Variants in CUEDC1 observed in about 807,000 individuals in gnomAD.
The protein encoded by CUEDC1 is CUE domain containing 1.
A neutral mutation model predicts 43.7 loss-of-function variants in CUEDC1; 30 were observed. The ratio of observed to expected loss-of-function variants is 0.69; its 90% CI spans 0.51 to 0.93. The LOEUF (loss-of-function observed/expected upper bound fraction) is 0.93. CUEDC1 is among the 40% of genes least tolerant of loss of function. The pLI is 0.00. For missense variants in CUEDC1, 486 were observed against 549.0 expected (o/e 0.89, Z 1.15); for synonymous variants, 223 against 223.6 (o/e 1.00, Z 0.02).
chr17:57,928,546 CA>C lies in CUEDC1; in HGVS notation c.-316+26678del, dbSNP rs11411589. 3.5e-3 allele frequency among the ~76,000 whole-genome samples: 306 copies of C among 86,868 alleles called. No individual in the cohort carries two copies. The South Asian group carries it at 0.041, about 12-fold the overall frequency. The allele number at this position is 86,868 out of a possible 152,430, so 57.0% of individuals were successfully genotyped here. On this transcript the variant is annotated intron_variant, in intron 1 of 10. Transcript: ENST00000577830. ...TGGGCGACAGAGTGAGACTCTGTCT[CA>C]AAAAAAAAAAAAAAAAAGAACCTAG...
chr17:57,916,497 A>T (rs1175112741), intron 1 of CUEDC1, among the ~76,000 whole-genome samples: 1 of 152,248 alleles, frequency 6.6e-6, no homozygotes, highest in Non-Finnish European at 1.5e-5. Context: ...ACCTGTTTCC[A>T]TGGAGATGCG....
intron 1 of CUEDC1, among the ~76,000 whole-genome samples, chr17:57,920,849 C>G (rs2074691767): frequency 6.6e-6 from 1 of 152,050 alleles, no homozygotes. Context: ...GTTGGCCAGG[C>G]CAGTCTTGAA....
At chr17:57,893,346 G>GGTGTGTGTGT (rs1456034263) in intron 1 of CUEDC1, among the ~76,000 whole-genome samples, 13 of 89,894 alleles carry the variant, frequency 1.4e-4, no homozygotes, top group African/African-American at 3.9e-4. Flanking sequence ...AGGCTCTCAG[G>GGTGTGTGTGT]GTATGTGTGT....
intron 6 of CUEDC1, among the ~76,000 whole-genome samples, chr17:57,870,909 T>C (rs1215896547): frequency 2.0e-5 from 3 of 152,186 alleles, no homozygotes; most frequent in African/African-American, 7.2e-5. Flanking sequence ...TCTTGAACTC[T>C]TGGGCTGAAG....
intron 1 of CUEDC1, among the ~76,000 whole-genome samples, chr17:57,893,338 G>T (rs887879058): frequency 3.7e-5 from 4 of 107,420 alleles, no homozygotes; most frequent in African/African-American, 1.1e-4. Context: ...AGAGACAGAG[G>T]CTCTCAGGGT....
At chr17:57,929,362 CA>C (rs1374193840) in intron 1 of CUEDC1, among the ~76,000 whole-genome samples, 1 of 152,162 alleles carries the variant, frequency 6.6e-6, no homozygotes, top group Non-Finnish European at 1.5e-5. Context: ...TGCCAGGATT[CA>C]AACCTGGATC....
chr17:57,908,984 G>A (rs12709396), intron 1 of CUEDC1, among the ~76,000 whole-genome samples: 55,015 of 151,634 alleles, frequency 0.36, 10,434 homozygotes, highest in African/African-American at 0.43. Context: ...GTGACAGAAC[G>A]AGACTGTCTC....
At chr17:57,945,807 G>C (rs2074955337) in intron 1 of CUEDC1, among the ~76,000 whole-genome samples, 1 of 152,046 alleles carries the variant, frequency 6.6e-6, no homozygotes, top group African/African-American at 2.4e-5. Flanking sequence ...ATCAGTTGAG[G>C]TCAGGAGTTC....
chr17:57,951,610 C>A (rs1432212698), intron 1 of CUEDC1, among the ~76,000 whole-genome samples: 2 of 152,144 alleles, frequency 1.3e-5, no homozygotes, highest in Non-Finnish European at 2.9e-5. Context: ...AAGTACGCAC[C>A]ACCATGCCCG....
chr17:57,861,487 A>AG lies in CUEDC1; in HGVS notation c.*1801dup, dbSNP rs1410504615. ...CGCGGGTGAATGGGCCAGGCAAGGC[A>AG]GGGGTACCCTAGGGATGCGACGCGG... On this transcript the variant is annotated 3_prime_UTR_variant, in exon 11 of 11. Coordinates refer to ENST00000577830, the MANE Select transcript of CUEDC1 (RefSeq NM_001271875.2). 1 of 152,318 alleles carries AG rather than the reference A, an allele frequency of 6.6e-6. No homozygotes were observed. Among genetic ancestry groups the AG allele is most frequent in the Non-Finnish European group, 1.5e-5 (1 of 68,144 alleles). The allele number at this position is 152,318 out of a possible 1,614,324, so 9.4% of individuals were successfully genotyped here.
At chr17:57,891,831 C>G (rs72839908) in intron 1 of CUEDC1, among the ~76,000 whole-genome samples, 1 of 152,206 alleles carries the variant, frequency 6.6e-6, no homozygotes, top group Non-Finnish European at 1.5e-5. Context: ...AGTCCACCCC[C>G]CAACATCCCA....
At chr17:57,876,758 G>A (rs896604153) in intron 3 of CUEDC1, among the ~76,000 whole-genome samples, 4 of 152,200 alleles carry the variant, frequency 2.6e-5, no homozygotes, top group Non-Finnish European at 4.4e-5. Context: ...ACTGGCCTCT[G>A]GGGGAAGCCT....
Position 57,869,181 on chromosome 17 carries a change from G to T in CUEDC1, c.881C>A (p.Ala294Asp). ...GGCATCTTCAGACACAGCGGGGTTG[G>T]CGTCGCCAGTTCCTGGAAGGAGACA... ...FSSPVPGTGD[A>D]NPAVSEDALF... The change falls in exon 7 of 11, where the codon GCC (alanine) becomes GAC (aspartate). Residue 294 changes from alanine to aspartate, a missense_variant. Transcript: ENST00000577830. 1 of 1,613,928 alleles carries T rather than the reference G, an allele frequency of 6.2e-7. No homozygotes were observed. The highest frequency in any genetic ancestry group is 8.5e-7 in the Non-Finnish European group (1 of 1,179,940).
rs140904867 is a variant in CUEDC1, at chr17:57,910,732, C to T, written c.-315-24853G>A. On this transcript the variant is annotated intron_variant, in intron 1 of 10. Transcript: ENST00000577830. ...GTCCTGGATGGTACAACTCTGTGAA[C>T]ACCCCCTTTTTCTTCCTTTCTTATA... 3.9e-3 allele frequency among the ~76,000 whole-genome samples: 599 copies of T among 152,270 alleles called. 1 individual carries two copies. Among genetic ancestry groups the T allele is most frequent in the Non-Finnish European group, 7.2e-3 (488 of 68,028 alleles).
intron 7 of CUEDC1, 102 bp from the exon 8 acceptor site, chr17:57,868,345 G>C: frequency 9.7e-7 from 1 of 1,031,234 alleles, no homozygotes; most frequent in Non-Finnish European, 1.5e-6. Flanking sequence ...AGGCCCCCCG[G>C]AGAGGGAGCA....
intron 1 of CUEDC1, among the ~76,000 whole-genome samples, chr17:57,932,100 C>T (rs920252254): frequency 2.3e-4 from 32 of 141,942 alleles, no homozygotes; most frequent in Non-Finnish European, 3.7e-4. Context: ...GGTGAAATCC[C>T]GTCTCCACTA....
chr17:57,883,114 C>T (rs1175933055), intron 2 of CUEDC1, among the ~76,000 whole-genome samples: 1 of 152,112 alleles, frequency 6.6e-6, no homozygotes, highest in African/African-American at 2.4e-5. Context: ...ATATTCCTTC[C>T]ACCACCTACT....
intron 1 of CUEDC1, among the ~76,000 whole-genome samples, chr17:57,899,436 G>C (rs1597994620): frequency 6.6e-6 from 1 of 152,334 alleles, no homozygotes; most frequent in East Asian, 1.9e-4. Flanking sequence ...GGTTAGGGAG[G>C]CAGGAGAAAC....
chr17:57,904,671 C>A (rs192800851), intron 1 of CUEDC1, among the ~76,000 whole-genome samples: 1 of 152,130 alleles, frequency 6.6e-6, no homozygotes, highest in Non-Finnish European at 1.5e-5. Context: ...AACCTTGAGG[C>A]CTTCAAGGAA....
Sources: gnomAD v4.1 joint callset for allele counts (sites outside exome capture counted in the v4.1 genomes callset) on GRCh38, gnomAD v4.1.1 for gene constraint, MANE v1.5 for transcripts, NCBI Gene and HGNC (gene_info 2026-07-23, HGNC 2026-07-21) for gene names.